The following SYTL2 variants were observed in gnomAD, a reference collection of about 807,000 sequenced individuals.
SYTL2 encodes the protein synaptotagmin like 2, also known as synaptotagmin-like protein 2.
In SYTL2, 165 loss-of-function variants were observed where a neutral mutation model predicts 198.7. The ratio of observed to expected loss-of-function variants is 0.83; its 90% CI spans 0.73 to 0.94. The LOEUF is 0.94. Ranked by LOEUF, SYTL2 falls within the 40% of genes least tolerant of loss-of-function variation. The pLI, the probability that SYTL2 is intolerant of heterozygous loss-of-function variation, is 0.00. For missense variants in SYTL2, 2,835 were observed against 2,582.8 expected, an observed-to-expected ratio of 1.10 and a Z score of -2.12; for synonymous variants, 966 against 917.7, an observed-to-expected ratio of 1.05 and a Z score of -0.95.
intron 2 of SYTL2, among the ~76,000 whole-genome samples, chr11:85,756,918 G>A (rs1223449125): frequency 6.6e-6 from 1 of 152,198 alleles, no homozygotes; most frequent in Non-Finnish European, 1.5e-5. Context: ...CATTCAGGAA[G>A]CCTGTCGCTG....
Position 85,727,415 on chromosome 11 carries a change from T to A in SYTL2, c.1943A>T (p.Asp648Val). 1.3e-6 allele frequency: 2 copies of A among 1,536,346 alleles called. No homozygotes were observed. The highest frequency in any genetic ancestry group is 1.7e-6 in the Non-Finnish European group (2 of 1,146,936). ...GTPSQGSKNMDYSQDSKSPGK... is the reference protein window; with the variant it reads ...GTPSQGSKNMVYSQDSKSPGK... ...TGGGCTTTTTGAATCTTGGCTATAGTCCATATTTTTACTCCCTTGACTTGG... is the reference window on the plus strand; with the variant it reads ...TGGGCTTTTTGAATCTTGGCTATAGACCATATTTTTACTCCCTTGACTTGG... Residue 648 changes from aspartate to valine, a missense_variant, in exon 8 of 20, where the codon GAC (aspartate) becomes GTC (valine). By Grantham distance (152) the Asp-to-Val change is radical. This residue lies in a region of SYTL2 where 2,645 missense variants were observed against 2,381.7 expected (regional missense o/e 1.11). Transcript: ENST00000359152.
the SYTL2 span, among the ~76,000 whole-genome samples, chr11:85,833,935 C>T: frequency 3.3e-5 from 5 of 151,822 alleles, no homozygotes; most frequent in Non-Finnish European, 5.9e-5. Context: ...GACGGGGTTT[C>T]GCCAAGTTGC....
chr11:85,774,467 C>G (rs1330613763), intron 1 of SYTL2, among the ~76,000 whole-genome samples: 1 of 152,126 alleles, frequency 6.6e-6, no homozygotes, highest in Non-Finnish European at 1.5e-5. Flanking sequence ...AAGAAAAGGC[C>G]AGGTACACAG....
At chr11:85,738,336 C>G (rs2090518722) in intron 4 of SYTL2, among the ~76,000 whole-genome samples, 1 of 152,162 alleles carries the variant, frequency 6.6e-6, no homozygotes. Flanking sequence ...GCCATTCTTC[C>G]TTTCATTACT....
rs184990558 is a variant in SYTL2, at chr11:85,726,460, T to C, written c.2898A>G (p.Glu966=). 7.3e-5 allele frequency: 118 copies of C among 1,612,906 alleles called. 1 individual carries two copies. In the East Asian group the frequency reaches 2.2e-3, roughly 30 times the overall value. ...NANFKVMSLK[E]RMDEPNAEQV... is the part of the protein sequence containing the mutation. ...GTTCTGCATTGGGTTCATCCATTCT[T>C]TCTTTTAGGGACATAACTTTAAAGT... The change falls in exon 8 of 20, where the codon GAA becomes GAG. Residue 966 remains glutamate (E), a synonymous_variant. Coordinates refer to ENST00000359152, the MANE Select transcript of SYTL2 (RefSeq NM_206927.4).
intron 1 of SYTL2, among the ~76,000 whole-genome samples, chr11:85,773,637 C>T (rs1201080120): frequency 6.6e-6 from 1 of 152,076 alleles, no homozygotes; most frequent in East Asian, 1.9e-4. Flanking sequence ...GTATTTCCAA[C>T]ACCTGACCTG....
intron 1 of SYTL2, among the ~76,000 whole-genome samples, chr11:85,794,097 T>C (rs2092769813): frequency 6.6e-6 from 1 of 152,156 alleles, no homozygotes; most frequent in African/African-American, 2.4e-5. Context: ...CTTGAACTCC[T>C]GGGCTCAAGC....
Position 85,727,541 on chromosome 11 carries a change from T to C in SYTL2, c.1817A>G (p.Asp606Gly). Residue 606 changes from aspartate to glycine, a missense_variant, in exon 8 of 20, where the codon GAT becomes GGT. Physicochemically the swap from Asp to Gly is moderately conservative, Grantham distance 94. Around this residue, in one of 3 missense-constraint regions of SYTL2, gnomAD observed 2,645 missense variants for 2,381.7 expected, o/e 1.11. Coordinates refer to ENST00000359152, the MANE Select transcript of SYTL2 (RefSeq NM_206927.4). ...GDMLVSESCQ[D>G]NNVNIKSKFM... Reference sequence around the variant, plus strand: ...TTTGGATTTGATATTCACATTATTATCTTGGCAACTTTCAGAAACCAGCAT... The same window carrying C: ...TTTGGATTTGATATTCACATTATTACCTTGGCAACTTTCAGAAACCAGCAT... The C allele has an allele frequency of 3.9e-6, 6 of 1,536,102 alleles. No individual in the cohort carries two copies. The highest frequency in any genetic ancestry group is 1.2e-5 in the South Asian group (1 of 84,056).
At chr11:85,754,351 T>C (rs936864311) in intron 2 of SYTL2, among the ~76,000 whole-genome samples, 1 of 152,164 alleles carries the variant, frequency 6.6e-6, no homozygotes, top group African/African-American at 2.4e-5. Flanking sequence ...TCTACTACAT[T>C]AAATAATTAA....
chr11:85,816,915 C>CAAAAAA, the SYTL2 span, among the ~76,000 whole-genome samples: 25 of 80,902 alleles, frequency 3.1e-4, 1 homozygote, highest in Admixed American at 1.5e-4. Flanking sequence ...AACCCTGTCT[C>CAAAAAA]AAAAAAAAAA....
At chr11:85,787,891 T>C (rs566086332) in intron 1 of SYTL2, among the ~76,000 whole-genome samples, 78 of 152,158 alleles carry the variant, frequency 5.1e-4, no homozygotes, top group African/African-American at 1.8e-3. Context: ...TCAGGAAATA[T>C]CTACTGCTTC....
At chr11:85,805,780 A>G (rs2092951193) in intron 1 of SYTL2, among the ~76,000 whole-genome samples, 1 of 152,362 alleles carries the variant, frequency 6.6e-6, no homozygotes, top group South Asian at 2.1e-4. Context: ...CTAACTCAGA[A>G]GGCAAATACG....
At chr11:85,758,729 G>A (rs2091989622) in intron 1 of SYTL2, among the ~76,000 whole-genome samples, 1 of 152,156 alleles carries the variant, frequency 6.6e-6, no homozygotes, top group African/African-American at 2.4e-5. Flanking sequence ...GAAAGGAAGA[G>A]GCAGAGTTTC....
At position 85,726,320 on chromosome 11, in the gene SYTL2, G is replaced by A; in HGVS notation, c.3038C>T (p.Ala1013Val). 1 of 1,614,038 alleles carries A rather than the reference G, an allele frequency of 6.2e-7. No homozygotes were observed. The highest frequency in any genetic ancestry group is 2.2e-5 in the East Asian group (1 of 44,874). The change falls in exon 8 of 20, where the codon GCA becomes GTA. Residue 1013 changes from alanine to valine, a missense_variant. Transcript: ENST00000359152. ...CTTGTGTTTCTGCCTATTAAAAGGT[G>A]CAGAATTTTTTTGGCTTGTGGTGGT... ...NITTTSQKNS[A>V]PFNRQKHKEF...
upstream of SYTL2, among the ~76,000 whole-genome samples, chr11:85,814,727 CGTT>C (rs1315524383): frequency 6.6e-6 from 1 of 152,286 alleles, no homozygotes; most frequent in East Asian, 1.9e-4. Flanking sequence ...ATTGCTAAAT[CGTT>C]TAGTTTTATC....
At chr11:85,822,443 G>T in the SYTL2 span, among the ~76,000 whole-genome samples, 2 of 152,182 alleles carry the variant, frequency 1.3e-5, no homozygotes. Flanking sequence ...CTGAGCCATT[G>T]ACCTTCTCCT....
At chr11:85,737,803 T>A in intron 4 of SYTL2, 147 bp from the exon 5 acceptor site, 1 of 678,616 alleles carries the variant, frequency 1.5e-6, no homozygotes. Flanking sequence ...TTATTCCCTA[T>A]CCCAGGGACA....
At position 85,715,701 on chromosome 11, in the gene SYTL2, T is replaced by C. The variant is rs529526246; in HGVS notation, c.5531-1194A>G. 2.6e-5 allele frequency among the ~76,000 whole-genome samples: 4 copies of C among 152,292 alleles called. 1 individual carries two copies. The South Asian group carries it at 6.2e-4, about 24-fold the overall frequency. The stretch of plus-strand genomic sequence containing the variant: ...TGCACATCAGAATGCATTTATGGTG[T>C]CTCACTAAAATGACACCTACTTTAA... On this transcript the variant is annotated intron_variant, in intron 11 of 19. Coordinates refer to ENST00000359152, the MANE Select transcript of SYTL2 (RefSeq NM_206927.4).
intron 1 of SYTL2, among the ~76,000 whole-genome samples, chr11:85,784,408 C>CA (rs1344669251): frequency 1.3e-5 from 2 of 150,590 alleles, no homozygotes; most frequent in African/African-American, 2.4e-5. Flanking sequence ...TAATGTCTTG[C>CA]AAAAAAGAAT....
Sources: gnomAD v4.1 joint callset for allele counts (sites outside exome capture counted in the v4.1 genomes callset) on GRCh38, gnomAD v4.1.1 for gene constraint, gnomAD v4.1.1 regional missense constraint, MANE v1.5 for transcripts, NCBI Gene and HGNC (gene_info 2026-07-23, HGNC 2026-07-21) for gene names.